SEMA3E: variants seen among roughly 807,000 people sequenced by gnomAD.
SEMA3E encodes semaphorin-3E.
In SEMA3E, 49 loss-of-function variants were observed where a neutral mutation model predicts 93.6. The observed-to-expected ratio is 0.52, with a 90% CI of 0.42 to 0.66. The LOEUF (loss-of-function observed/expected upper bound fraction) is 0.66. Ranked by LOEUF, SEMA3E falls within the 30% of genes least tolerant of loss-of-function variation. SEMA3E has a pLI of 0.00. For missense variants in SEMA3E, 906 were observed against 964.8 expected, an observed-to-expected ratio of 0.94 and a Z score of 0.81; for synonymous variants, 363 against 330.7, an observed-to-expected ratio of 1.10 and a Z score of -1.06.
intron 1 of SEMA3E, among the ~76,000 whole-genome samples, chr7:83,644,795 G>A (rs1218999899): frequency 2.0e-5 from 3 of 151,934 alleles, no homozygotes; most frequent in Non-Finnish European, 4.4e-5. Flanking sequence ...ATCTGCATAA[G>A]TATATATTCC....
intron 2 of SEMA3E, among the ~76,000 whole-genome samples, chr7:83,478,202 C>T (rs1414728397): frequency 1.3e-5 from 2 of 152,042 alleles, no homozygotes; most frequent in Non-Finnish European, 2.9e-5. Context: ...GAATTACAGG[C>T]GTGAGCCACC....
intron 4 of SEMA3E, among the ~76,000 whole-genome samples, chr7:83,439,967 A>C (rs530517886): frequency 6.6e-6 from 1 of 152,324 alleles, no homozygotes; most frequent in East Asian, 1.9e-4. Context: ...ACAGTATCTA[A>C]CACCAGCTTT....
At chr7:83,433,501 C>A (rs1788932163) in intron 4 of SEMA3E, among the ~76,000 whole-genome samples, 1 of 152,110 alleles carries the variant, frequency 6.6e-6, no homozygotes, top group Admixed American at 6.5e-5. Flanking sequence ...CAAACTACAA[C>A]AACCTTAACA....
chr7:83,470,044 C>A (rs538814093), intron 2 of SEMA3E, among the ~76,000 whole-genome samples: 1 of 152,096 alleles, frequency 6.6e-6, no homozygotes, highest in Admixed American at 6.6e-5. Context: ...CCTCGGCCTC[C>A]CAAAGTGATT....
At chr7:83,417,851 G>A (rs754083654) in intron 5 of SEMA3E, among the ~76,000 whole-genome samples, 13 of 152,022 alleles carry the variant, frequency 8.6e-5, no homozygotes, top group Non-Finnish European at 1.3e-4. Flanking sequence ...CATTATTTCC[G>A]TATGTACATT....
intron 1 of SEMA3E, among the ~76,000 whole-genome samples, chr7:83,562,464 T>TTTTTTTTA (rs149445325): frequency 1.3e-4 from 18 of 141,082 alleles, no homozygotes; most frequent in East Asian, 1.1e-3. Flanking sequence ...TGAACTTCCT[T>TTTTTTTTA]TTTATTTATT....
intron 1 of SEMA3E, among the ~76,000 whole-genome samples, chr7:83,512,843 T>G (rs1790853315): frequency 6.6e-6 from 1 of 152,174 alleles, no homozygotes; most frequent in African/African-American, 2.4e-5. Context: ...TTTTAAAACT[T>G]TATTTAATAT....
intron 2 of SEMA3E, among the ~76,000 whole-genome samples, chr7:83,475,055 A>G (rs1166719383): frequency 1.3e-5 from 2 of 151,554 alleles, no homozygotes; most frequent in African/African-American, 4.8e-5. Context: ...AAAGATTTTC[A>G]TGACTAATTC....
intron 1 of SEMA3E, among the ~76,000 whole-genome samples, chr7:83,580,859 TAC>T (rs1216680462): frequency 1.3e-5 from 2 of 151,972 alleles, no homozygotes; most frequent in African/African-American, 2.4e-5. Flanking sequence ...GTTCAATAAA[TAC>T]AGTTACCAAA....
At chr7:83,572,201 T>C (rs1792300999) in intron 1 of SEMA3E, among the ~76,000 whole-genome samples, 1 of 135,106 alleles carries the variant, frequency 7.4e-6, no homozygotes. Flanking sequence ...AACATAATTT[T>C]TTTTTGCAGA....
intron 4 of SEMA3E, among the ~76,000 whole-genome samples, chr7:83,423,445 A>C (rs1242247143): frequency 6.6e-6 from 1 of 152,118 alleles, no homozygotes; most frequent in Non-Finnish European, 1.5e-5. Flanking sequence ...TAATCATTTT[A>C]AAATAATAAA....
rs1584221582 is a variant in SEMA3E, at chr7:83,400,178, T to C, written c.1216A>G (p.Arg406Gly). The C allele has an allele frequency of 6.2e-7, 1 of 1,614,046 alleles. No individual in the cohort carries two copies. Among genetic ancestry groups the C allele is most frequent in the Non-Finnish European group, 8.5e-7 (1 of 1,179,966 alleles). The change falls in exon 11 of 17, where the codon AGA becomes GGA. Residue 406 changes from arginine (R) to glycine (G), a missense_variant. By Grantham distance (125) the Arg-to-Gly change is moderately radical. Transcript: ENST00000643230. The part of the protein sequence containing the change: ...DYPDDAIRFA[R>G]SHPLMYQAIK... Reference sequence around the variant, plus strand: ...GCCTGGTACATTAGTGGATGACTTCTTGCAAATCGGATGGCATCATCAGGA... The same window carrying C: ...GCCTGGTACATTAGTGGATGACTTCCTGCAAATCGGATGGCATCATCAGGA...
intron 4 of SEMA3E, among the ~76,000 whole-genome samples, chr7:83,419,559 A>C (rs1236047586): frequency 1.3e-5 from 2 of 152,180 alleles, no homozygotes; most frequent in East Asian, 3.9e-4. Context: ...AGAGTGTATA[A>C]GCTTTCCCTT....
chr7:83,402,483 T>A, intron 10 of SEMA3E, 149 bp downstream of exon 10: 1 of 661,020 alleles, frequency 1.5e-6, no homozygotes, highest in Non-Finnish European at 2.5e-6. Flanking sequence ...TGAAGGAATA[T>A]TTTTTTACTA....
chr7:83,454,272 A>AAAAAAAAAATAT (rs1257792756), intron 4 of SEMA3E, among the ~76,000 whole-genome samples: 52 of 110,084 alleles, frequency 4.7e-4, no homozygotes, highest in African/African-American at 2.2e-3. Flanking sequence ...AAAAAAAAAA[A>AAAAAAAAAATAT]ATATATATAT....
chr7:83,611,635 A>C (rs1439821939), intron 1 of SEMA3E, among the ~76,000 whole-genome samples: 1 of 151,610 alleles, frequency 6.6e-6, no homozygotes, highest in Non-Finnish European at 1.5e-5. Context: ...CATATCCTAC[A>C]AGAATCTACT....
intron 11 of SEMA3E, among the ~76,000 whole-genome samples, chr7:83,397,490 C>T (rs979665057): frequency 6.6e-6 from 1 of 152,038 alleles, no homozygotes; most frequent in East Asian, 1.9e-4. Flanking sequence ...CATACACATA[C>T]ATGCAAGCAC....
intron 1 of SEMA3E, among the ~76,000 whole-genome samples, chr7:83,494,557 C>A (rs1182524822): frequency 6.6e-6 from 1 of 151,718 alleles, no homozygotes; most frequent in African/African-American, 2.4e-5. Flanking sequence ...CTGCAATGAA[C>A]AGAGATTAAA....
At chr7:83,564,873 T>A (rs1237331652) in intron 1 of SEMA3E, among the ~76,000 whole-genome samples, 1 of 152,064 alleles carries the variant, frequency 6.6e-6, no homozygotes, top group Admixed American at 6.5e-5. Flanking sequence ...GATAGAGACA[T>A]GAAAAACCCT....
Sources: gnomAD v4.1 joint callset for allele counts (sites outside exome capture counted in the v4.1 genomes callset) on GRCh38, gnomAD v4.1.1 for gene constraint, MANE v1.5 for transcripts, NCBI Gene and HGNC (gene_info 2026-07-23, HGNC 2026-07-21) for gene names.